Variants in FRK observed in about 807,000 individuals in gnomAD.
FRK encodes tyrosine-protein kinase FRK.
In FRK, 51 loss-of-function variants were observed where a neutral mutation model predicts 56.4. The ratio of observed to expected loss-of-function variants is 0.90; its 90% CI spans 0.72 to 1.14. The LOEUF (loss-of-function observed/expected upper bound fraction) is 1.14. Ranked by LOEUF, FRK falls within the 50% of genes most tolerant of loss-of-function variation. The pLI, the probability that FRK is intolerant of heterozygous loss-of-function variation, is 0.00. For missense variants in FRK, 570 were observed against 601.4 expected (o/e 0.95, Z 0.55); for synonymous variants, 245 against 217.9 (o/e 1.12, Z -1.10).
intron 1 of FRK, among the ~76,000 whole-genome samples, chr6:116,012,595 T>G (rs1775511810): frequency 6.6e-6 from 1 of 152,246 alleles, no homozygotes; most frequent in Admixed American, 6.5e-5. Context: ...CATGAAGCAC[T>G]GGCCACATGC....
the FRK span, among the ~76,000 whole-genome samples, chr6:116,082,542 A>T: frequency 6.6e-6 from 1 of 152,182 alleles, no homozygotes; most frequent in Admixed American, 6.5e-5. Flanking sequence ...GATTCTGGAT[A>T]TATGTTTAAA....
the FRK span, among the ~76,000 whole-genome samples, chr6:116,098,049 C>T: frequency 2.8e-5 from 4 of 144,480 alleles, no homozygotes; most frequent in South Asian, 2.4e-4. Flanking sequence ...AAGATCAAGG[C>T]GCTGTCAGGG....
chr6:116,085,469 G>T, the FRK span, among the ~76,000 whole-genome samples: 3 of 152,114 alleles, frequency 2.0e-5, no homozygotes, highest in Non-Finnish European at 4.4e-5. Context: ...CTAAAGAAAA[G>T]GTTCAAGTAA....
At chr6:116,039,249 T>G (rs1776620054) in intron 1 of FRK, 1 of 1,493,394 alleles carries the variant, frequency 6.7e-7, no homozygotes, top group Admixed American at 1.7e-5. Context: ...CCTGCGAGCC[T>G]GTGTGGGCCA....
chr6:116,092,315 G>A, the FRK span, among the ~76,000 whole-genome samples: 1 of 152,146 alleles, frequency 6.6e-6, no homozygotes. Flanking sequence ...ATGAGAAGTA[G>A]GACAAAAGGC....
At chr6:116,100,620 C>G in the FRK span, among the ~76,000 whole-genome samples, 2 of 152,188 alleles carry the variant, frequency 1.3e-5, no homozygotes, top group Non-Finnish European at 2.9e-5. Context: ...CTCCTGGACC[C>G]CTACTGCCTT....
chr6:115,950,352 A>G (rs1772682333), intron 5 of FRK, among the ~76,000 whole-genome samples: 1 of 152,198 alleles, frequency 6.6e-6, no homozygotes, highest in Admixed American at 6.5e-5. Context: ...AAAACCATCA[A>G]AAAGTGGGCA....
chr6:115,999,687 T>C (rs1774976509), intron 2 of FRK, among the ~76,000 whole-genome samples: 2 of 152,224 alleles, frequency 1.3e-5, no homozygotes, highest in African/African-American at 2.4e-5. Flanking sequence ...TTCAGACTGA[T>C]TAAGAAGACA....
At chr6:116,083,727 A>G in the FRK span, among the ~76,000 whole-genome samples, 1 of 152,178 alleles carries the variant, frequency 6.6e-6, no homozygotes, top group Non-Finnish European at 1.5e-5. Flanking sequence ...ACCACTGCCT[A>G]TAGTAACAAT....
chr6:116,090,986 T>A, the FRK span, among the ~76,000 whole-genome samples: 41 of 152,360 alleles, frequency 2.7e-4, no homozygotes, highest in African/African-American at 9.1e-4. Context: ...GAGATTTTTT[T>A]AAAATTGTAA....
At chr6:115,982,963 T>C (rs769604919) in intron 2 of FRK, among the ~76,000 whole-genome samples, 1 of 151,524 alleles carries the variant, frequency 6.6e-6, no homozygotes, top group Non-Finnish European at 1.5e-5. Context: ...TCCCAGCTAC[T>C]AGGGAGGCTG....
At chr6:115,988,847 T>C (rs1445161187) in intron 2 of FRK, among the ~76,000 whole-genome samples, 1 of 151,994 alleles carries the variant, frequency 6.6e-6, no homozygotes, top group Admixed American at 6.6e-5. Flanking sequence ...GATTCAAACA[T>C]TTATTTAGTT....
rs751000439 is a variant in FRK at position 116,003,946 on chromosome 6, A to C, written c.397T>G (p.Ser133Ala). 1 of 1,613,264 alleles carries C rather than the reference A, an allele frequency of 6.2e-7. No individual in the cohort carries two copies. The highest frequency in any genetic ancestry group is 2.2e-5 in the East Asian group (1 of 44,808). ...RSDAEKQLLYSENKTGSFLIR... is the reference protein window; with the variant it reads ...RSDAEKQLLYAENKTGSFLIR... Reference sequence around the variant, plus strand: ...AGAAAGGAACCGGTCTTGTTTTCTGAATATAATAGTTGTTTCTCTGCATCT... The same window carrying C: ...AGAAAGGAACCGGTCTTGTTTTCTGCATATAATAGTTGTTTCTCTGCATCT... The change falls in exon 2 of 8, where the codon TCA (serine) becomes GCA (alanine). Residue 133 changes from serine (S) to alanine (A), a missense_variant. Coordinates refer to ENST00000606080, the MANE Select transcript of FRK (RefSeq NM_002031.3).
rs1461999254 is a variant in FRK, at chr6:115,933,874, GATCTT to G, written c.*8535_*8539del. The stretch of plus-strand genomic sequence containing the variant: ...TCAACTAATTTGAAAGATTAGTGTT[GATCTT>G]ATCTTAGAAATACTGTTTATAAAGG... On this transcript the variant is annotated 3_prime_UTR_variant, in exon 8 of 8. Transcript: ENST00000606080. 1 of 152,012 alleles carries G rather than the reference GATCTT, an allele frequency of 6.6e-6. No homozygotes were observed. Among genetic ancestry groups the G allele is most frequent in the East Asian group, 1.9e-4 (1 of 5,196 alleles). 9.4% of individuals were successfully genotyped at this position (152,012 alleles called of 1,614,324 possible). A position where few individuals can be genotyped will look rare whatever the true frequency, so the allele number is the denominator to read the frequency against.
At chr6:115,978,724 T>C (rs1240875198) in intron 2 of FRK, among the ~76,000 whole-genome samples, 2 of 152,164 alleles carry the variant, frequency 1.3e-5, no homozygotes, top group Admixed American at 6.6e-5. Flanking sequence ...CTACCACTTG[T>C]AGCACAATGC....
the FRK span, among the ~76,000 whole-genome samples, chr6:116,083,618 C>T: frequency 9.3e-4 from 141 of 152,188 alleles, 2 homozygotes; most frequent in Middle Eastern, 0.014. Context: ...TTGCTGGGCC[C>T]GACCTCCAGA....
rs139968309 is a variant in FRK at position 116,039,039 on chromosome 6, C to G, written c.344+20929G>C. ...AGCCAATCGAGGGTCCTGGGGCACTCAGAGAGTAGGCATGTCTTTGGGGAG... is the reference window on the plus strand; with the variant it reads ...AGCCAATCGAGGGTCCTGGGGCACTGAGAGAGTAGGCATGTCTTTGGGGAG... On this transcript the variant is annotated intron_variant, in intron 1 of 7. Transcript: ENST00000606080. 5.7e-3 allele frequency: 4,321 copies of G among 752,906 alleles called. 118 individuals are homozygous for G. Among genetic ancestry groups the G allele is most frequent in the South Asian group, 0.043 (3,194 of 74,324 alleles). 46.6% of individuals were successfully genotyped at this position (752,906 alleles called of 1,614,324 possible).
chr6:115,993,266 A>G (rs942536215), intron 2 of FRK, among the ~76,000 whole-genome samples: 2 of 151,902 alleles, frequency 1.3e-5, no homozygotes, highest in Non-Finnish European at 2.9e-5. Flanking sequence ...CAGTCAGGCA[A>G]AATGTATACT....
intron 2 of FRK, among the ~76,000 whole-genome samples, chr6:115,974,117 T>C (rs994774555): frequency 6.6e-6 from 1 of 152,146 alleles, no homozygotes; most frequent in Admixed American, 6.6e-5. Flanking sequence ...TTGGAAATGA[T>C]GGGAAGCAAT....
Sources: gnomAD v4.1 joint callset for allele counts (sites outside exome capture counted in the v4.1 genomes callset) on GRCh38, gnomAD v4.1.1 for gene constraint, MANE v1.5 for transcripts, NCBI Gene and HGNC (gene_info 2026-07-23, HGNC 2026-07-21) for gene names.